CCSER1: variants seen among roughly 807,000 people sequenced by gnomAD.
The protein encoded by CCSER1 is coiled-coil serine rich protein 1.
Under a neutral mutation model 82.0 loss-of-function variants are expected in CCSER1, and 41 were observed. The ratio of observed to expected loss-of-function variants is 0.50; its 90% CI spans 0.39 to 0.65. CCSER1 has a LOEUF of 0.65. Among genes scored for constraint, CCSER1 ranks in the 30% least tolerant of loss-of-function variants. The pLI, the probability that CCSER1 is intolerant of heterozygous loss-of-function variation, is 0.00. For missense variants in CCSER1, 1,119 were observed against 1,064.2 expected (o/e 1.05, Z -0.72); for synonymous variants, 414 against 383.9 (o/e 1.08, Z -0.92).
In CCSER1 at chr4:90,347,351, A is replaced by ATC. The variant is rs1170771034; in HGVS notation, c.1509+34305_1509+34306insCT. ...TATCTATCTATCTATCTATCTATCT[A>ATC]TATACTTTATTGGTAGAATAGAATG... On this transcript the variant is annotated intron_variant, in intron 3 of 10. Coordinates refer to ENST00000509176, the MANE Select transcript of CCSER1 (RefSeq NM_001145065.2). 2.1e-3 allele frequency among the ~76,000 whole-genome samples: 316 copies of ATC among 151,764 alleles called. 1 individual carries two copies. The highest frequency in any genetic ancestry group is 0.013 in the East Asian group (68 of 5,172).
At chr4:90,155,091 G>T (rs1352315505) in intron 1 of CCSER1, among the ~76,000 whole-genome samples, 1 of 152,110 alleles carries the variant, frequency 6.6e-6, no homozygotes, top group Admixed American at 6.5e-5. Flanking sequence ...TAGCATGAAG[G>T]GTTGTTGAAT....
Position 91,100,243 on chromosome 4 carries a change from C to T in CCSER1, c.2217+14249C>T, listed in dbSNP as rs576456738. 3.9e-5 allele frequency among the ~76,000 whole-genome samples: 6 copies of T among 152,038 alleles called. No homozygotes were observed. In the South Asian group the frequency reaches 1.2e-3, roughly 32 times the overall value. On this transcript the variant is annotated intron_variant, in intron 10 of 10. Transcript: ENST00000509176. ...ATAAATCAACATTTAATTAAAAGAACTACACATTACAAGACCATAATAATT... is the reference window on the plus strand; with the variant it reads ...ATAAATCAACATTTAATTAAAAGAATTACACATTACAAGACCATAATAATT...
At chr4:91,381,386 A>G (rs868278467) in intron 10 of CCSER1, among the ~76,000 whole-genome samples, 8 of 152,220 alleles carry the variant, frequency 5.3e-5, no homozygotes, top group African/African-American at 7.2e-5. Context: ...AGGTACACCA[A>G]TCAGACCTAG....
intron 3 of CCSER1, among the ~76,000 whole-genome samples, chr4:90,331,977 G>A (rs1330579571): frequency 6.6e-6 from 1 of 151,810 alleles, no homozygotes; most frequent in Non-Finnish European, 1.5e-5. Flanking sequence ...TTTCCCCTCT[G>A]TCCCCTTTTT....
intron 5 of CCSER1, among the ~76,000 whole-genome samples, chr4:90,590,105 C>A (rs1376050423): frequency 6.6e-6 from 1 of 151,856 alleles, no homozygotes; most frequent in Non-Finnish European, 1.5e-5. Flanking sequence ...GAAACCCTGT[C>A]TCTACCAAAA....
At chr4:90,403,503 AAAAAAAAAAAAAAAAAAG>A (rs1208158068) in intron 4 of CCSER1, among the ~76,000 whole-genome samples, 2 of 149,538 alleles carry the variant, frequency 1.3e-5, no homozygotes, top group African/African-American at 4.9e-5. Flanking sequence ...CGTCTCAAAA[AAAAAAAAAAAAAAAAAAG>A]AAAAAAGACC....
At chr4:90,749,359 G>A (rs375282983) in intron 7 of CCSER1, among the ~76,000 whole-genome samples, 14 of 151,548 alleles carry the variant, frequency 9.2e-5, no homozygotes, top group South Asian at 2.1e-4. Context: ...GATATGCGGC[G>A]TTATTTCTGA....
At chr4:90,404,024 G>A (rs893117944) in intron 4 of CCSER1, 1 of 152,234 alleles carries the variant, frequency 6.6e-6, no homozygotes, top group African/African-American at 2.4e-5. Context: ...AAAACTGTGA[G>A]TCTGCTTGCT....
At chr4:91,481,714 T>C (rs898896267) in intron 10 of CCSER1, among the ~76,000 whole-genome samples, 2 of 152,124 alleles carry the variant, frequency 1.3e-5, no homozygotes, top group African/African-American at 4.8e-5. Context: ...AAACCCTAAA[T>C]GTGTAGGAAA....
chr4:90,182,395 T>C (rs1473989087), intron 1 of CCSER1, among the ~76,000 whole-genome samples: 1 of 152,138 alleles, frequency 6.6e-6, no homozygotes, highest in Non-Finnish European at 1.5e-5. Flanking sequence ...ATTATTGTTT[T>C]TCATTGTTGT....
intron 10 of CCSER1, among the ~76,000 whole-genome samples, chr4:91,567,390 A>G (rs940669735): frequency 3.9e-5 from 6 of 152,116 alleles, no homozygotes; most frequent in Non-Finnish European, 7.4e-5. Flanking sequence ...GTAAAGGTCT[A>G]TCCAATCCAT....
chr4:90,665,413 C>G (rs1731572735), intron 6 of CCSER1, among the ~76,000 whole-genome samples: 1 of 151,902 alleles, frequency 6.6e-6, no homozygotes. Flanking sequence ...GCTCCGCCCC[C>G]AGAGTTCACG....
At chr4:91,144,092 G>T (rs1263005481) in intron 10 of CCSER1, among the ~76,000 whole-genome samples, 1 of 151,588 alleles carries the variant, frequency 6.6e-6, no homozygotes, top group Non-Finnish European at 1.5e-5. Flanking sequence ...TATACAAAGG[G>T]TTTTTATTCT....
chr4:90,648,289 GAAA>G (rs781062671), intron 6 of CCSER1, among the ~76,000 whole-genome samples: 1 of 90,626 alleles, frequency 1.1e-5, no homozygotes. Context: ...AGAAAGGAAA[GAAA>G]GAAAGAAAGA....
chr4:90,583,265 C>G (rs906951211), intron 5 of CCSER1, among the ~76,000 whole-genome samples: 2 of 152,300 alleles, frequency 1.3e-5, no homozygotes, highest in Admixed American at 1.3e-4. Flanking sequence ...CTCCCTGGTT[C>G]AAGCTATTCT....
chr4:90,379,191 C>T (rs781285018), intron 3 of CCSER1, among the ~76,000 whole-genome samples: 6 of 152,148 alleles, frequency 3.9e-5, no homozygotes, highest in Admixed American at 6.6e-5. Context: ...TTCAGGACTG[C>T]TCTCTTCTAT....
chr4:90,243,694 G>T (rs1720855801), intron 1 of CCSER1, among the ~76,000 whole-genome samples: 1 of 151,942 alleles, frequency 6.6e-6, no homozygotes, highest in Non-Finnish European at 1.5e-5. Context: ...GCCCTCAGCT[G>T]GTAATTTCCA....
chr4:90,951,781 T>C (rs1732942250), intron 9 of CCSER1, among the ~76,000 whole-genome samples: 2 of 152,118 alleles, frequency 1.3e-5, no homozygotes, highest in African/African-American at 4.8e-5. Flanking sequence ...TGCTTCTAAA[T>C]TCTTTAAGTC....
intron 10 of CCSER1, among the ~76,000 whole-genome samples, chr4:91,472,490 C>G (rs944017785): frequency 1.3e-5 from 2 of 152,106 alleles, no homozygotes; most frequent in African/African-American, 4.8e-5. Flanking sequence ...CATTTTCATA[C>G]CACATGATAT....
Sources: gnomAD v4.1 joint callset for allele counts (sites outside exome capture counted in the v4.1 genomes callset) on GRCh38, gnomAD v4.1.1 for gene constraint, MANE v1.5 for transcripts, NCBI Gene and HGNC (gene_info 2026-07-23, HGNC 2026-07-21) for gene names.